TRPC5: variants seen among roughly 807,000 people sequenced by gnomAD.
TRPC5 encodes transient receptor potential cation channel subfamily C member 5.
TRPC5 carries 9 observed loss-of-function variants against 56.5 expected under a neutral mutation model. The observed-to-expected ratio is 0.16, with a 90% confidence interval of 0.10 to 0.28. The LOEUF is 0.28. Ranked by LOEUF, TRPC5 falls within the 10% of genes least tolerant of loss-of-function variation. The pLI, the probability that TRPC5 is intolerant of heterozygous loss-of-function variation, is 1.00. For synonymous variants in TRPC5, 282 were observed against 278.5 expected (o/e 1.01, Z -0.13); for missense variants, 469 against 748.9 (o/e 0.63, Z 4.36).
intron 1 of TRPC5, among the ~76,000 whole-genome samples, chrX:111,987,346 CTTTA>C (rs934639651): frequency 3.6e-5 from 4 of 111,127 alleles, no homozygotes; most frequent in African/African-American, 1.3e-4. Flanking sequence ...TTTCTTTCTT[CTTTA>C]TTTTTTTTGT....
chrX:111,856,557 A>G (rs1923236759), intron 3 of TRPC5, among the ~76,000 whole-genome samples: 1 of 103,505 alleles, frequency 9.7e-6, no homozygotes, highest in Non-Finnish European at 2.0e-5. Flanking sequence ...TAATAATAAT[A>G]ATAATAATAA....
At chrX:112,071,142 C>T (rs1057122595) in intron 1 of TRPC5, among the ~76,000 whole-genome samples, 36 of 109,190 alleles carry the variant, frequency 3.3e-4, no homozygotes, top group African/African-American at 6.3e-4. Context: ...AACAAACAAA[C>T]GAAACAAAAA....
At position 112,003,695 on chromosome X, in the gene TRPC5, C is replaced by T. The variant is rs1366814293; in HGVS notation, c.-21-51254G>A. On this transcript the variant is annotated intron_variant, in intron 1 of 10. Transcript: ENST00000262839. The stretch of plus-strand genomic sequence containing the variant: ...CAAAATGTCCCCAAACTTCCAAATA[C>T]TCCCCAGTTAAGAACCACTGAATAT... Among the ~76,000 whole-genome samples the T allele has an allele frequency of 3.6e-5, 4 of 111,541 alleles. No individual in the cohort carries two copies. In the East Asian group the frequency reaches 8.4e-4, roughly 24 times the overall value.
At chrX:112,031,847 C>A (rs1282937053) in intron 1 of TRPC5, among the ~76,000 whole-genome samples, 2 of 107,401 alleles carry the variant, frequency 1.9e-5, no homozygotes, top group Non-Finnish European at 1.9e-5. Flanking sequence ...TAATTCATTT[C>A]ATTTTAAATC....
At chrX:111,910,775 G>T (rs970135189) in intron 3 of TRPC5, among the ~76,000 whole-genome samples, 1 of 112,323 alleles carries the variant, frequency 8.9e-6, no homozygotes, top group South Asian at 3.7e-4. Context: ...CAGATGATCT[G>T]CCAGCCTTGG....
At chrX:112,029,059 G>C (rs1413496399) in intron 1 of TRPC5, among the ~76,000 whole-genome samples, 1 of 111,915 alleles carries the variant, frequency 8.9e-6, no homozygotes, top group East Asian at 2.8e-4. Context: ...TCACCCTGTT[G>C]TGCTATCACA....
At position 111,776,411 on chromosome X, in the gene TRPC5, A is replaced by G. The variant is rs1569524966; in HGVS notation, c.2824T>C (p.Ser942Pro). The G allele has an allele frequency of 3.3e-6, 4 of 1,211,162 alleles. No homozygotes were observed. Among genetic ancestry groups the G allele is most frequent in the Non-Finnish European group, 4.5e-6 (4 of 895,314 alleles). ...CAAGTTTCAAATACATCCTCTGAGG[A>G]GTCTAAAAGTTTAGAATTTGAGGAG... ...ICSSNSKLLD[S>P]SEDVFETWGE... Residue 942 changes from serine to proline, a missense_variant, in exon 11 of 11, where the codon TCC becomes CCC. Physicochemically the swap from Ser to Pro is moderately conservative, Grantham distance 74. Transcript: ENST00000262839.
intron 1 of TRPC5, among the ~76,000 whole-genome samples, chrX:112,073,417 G>A (rs1252803483): frequency 2.9e-5 from 3 of 104,498 alleles, no homozygotes; most frequent in Non-Finnish European, 4.2e-5. Flanking sequence ...CTACAGGCAC[G>A]TGCCACCATG....
intron 1 of TRPC5, among the ~76,000 whole-genome samples, chrX:111,998,042 G>A (rs1298017546): frequency 4.5e-5 from 5 of 111,138 alleles, no homozygotes. Flanking sequence ...TTGCTGGCTA[G>A]GAGCTGCAAT....
At chrX:111,925,395 T>C (rs1168687139) in intron 2 of TRPC5, among the ~76,000 whole-genome samples, 1 of 112,414 alleles carries the variant, frequency 8.9e-6, no homozygotes, top group Non-Finnish European at 1.9e-5. Context: ...ATAAGTAGAC[T>C]GTTATAGTTT....
At chrX:112,079,072 C>A (rs1275804674) in intron 1 of TRPC5, among the ~76,000 whole-genome samples, 1 of 111,681 alleles carries the variant, frequency 9.0e-6, no homozygotes, top group Non-Finnish European at 1.9e-5. Context: ...AATGACTGGG[C>A]CAGATTAGGC....
chrX:111,994,816 G>T (rs1330755424), intron 1 of TRPC5, among the ~76,000 whole-genome samples: 1 of 111,361 alleles, frequency 9.0e-6, no homozygotes, highest in African/African-American at 3.3e-5. Flanking sequence ...GAGACGATGG[G>T]GTTTTCTAAA....
intron 3 of TRPC5, among the ~76,000 whole-genome samples, chrX:111,857,031 G>A (rs372174711): frequency 1.5e-4 from 17 of 111,245 alleles, no homozygotes; most frequent in African/African-American, 5.6e-4. Context: ...TGTAGGGTTG[G>A]TGTGAGGATT....
At chrX:112,074,315 ATT>A (rs1930783565) in intron 1 of TRPC5, among the ~76,000 whole-genome samples, 4 of 106,000 alleles carry the variant, frequency 3.8e-5, no homozygotes, top group African/African-American at 1.4e-4. Flanking sequence ...ATATATATAT[ATT>A]TTTTATTGGG....
At chrX:111,907,435 G>C (rs1335645284) in intron 3 of TRPC5, among the ~76,000 whole-genome samples, 3 of 109,997 alleles carry the variant, frequency 2.7e-5, no homozygotes, top group African/African-American at 9.9e-5. Context: ...GAGACCAGCT[G>C]GCCAACATGG....
Position 111,915,502 on chromosome X carries a change from C to T in TRPC5, c.379-2690G>A, listed in dbSNP as rs546185042. ...TCTCTCGCCCCATTTCTCTGCCACT[C>T]AGGGGCCATTGCAAGTTCTGGCTTC... On this transcript the variant is annotated intron_variant, in intron 2 of 10. Transcript: ENST00000262839. Among the ~76,000 whole-genome samples the T allele has an allele frequency of 3.2e-4, 36 of 111,818 alleles. No homozygotes were observed. In the South Asian group the frequency reaches 0.013, roughly 39 times the overall value.
At chrX:111,782,841 A>ACACACACACACAC (rs55909429) in intron 7 of TRPC5, among the ~76,000 whole-genome samples, 2 of 108,865 alleles carry the variant, frequency 1.8e-5, no homozygotes, top group African/African-American at 6.7e-5. Flanking sequence ...ACACACACAC[A>ACACACACACACAC]TCAGTGTACA....
Position 111,776,650 on chromosome X carries a change from T to C in TRPC5, c.2585A>G (p.Glu862Gly). The C allele has an allele frequency of 8.3e-7, 1 of 1,211,770 alleles. No individual in the cohort carries two copies. The highest frequency in any genetic ancestry group is 3.0e-5 in the East Asian group (1 of 33,842). Reference sequence around the variant, plus strand: ...TCCATCAGAAATTGTGTACATTGGCTCTGAACTGGGTTCAGACATATGACC... The same window carrying C: ...TCCATCAGAAATTGTGTACATTGGCCCTGAACTGGGTTCAGACATATGACC... Reference protein sequence around the residue: ...FNGHMSEPSSEPMYTISDGIV... With the variant: ...FNGHMSEPSSGPMYTISDGIV... Residue 862 changes from glutamate (E) to glycine (G), a missense_variant, in exon 11 of 11, where the codon GAG becomes GGG. Coordinates refer to ENST00000262839, the MANE Select transcript of TRPC5 (RefSeq NM_012471.3).
chrX:111,945,483 A>G (rs5943228), intron 2 of TRPC5, among the ~76,000 whole-genome samples: 8,129 of 109,832 alleles, frequency 0.074, 227 homozygotes, highest in African/African-American at 0.089. Flanking sequence ...ACACACACAC[A>G]TGTGTGCGCA....
Sources: allele counts gnomAD v4.1 joint callset (sites outside exome capture counted in the v4.1 genomes callset), GRCh38; gene constraint gnomAD v4.1.1; transcripts MANE v1.5; gene names NCBI Gene and HGNC (gene_info 2026-07-23, HGNC 2026-07-21).